ASTN2: variants seen among roughly 807,000 people sequenced by gnomAD.
ASTN2 encodes astrotactin-2.
A neutral mutation model predicts 139.8 loss-of-function variants in ASTN2; 54 were observed. The observed-to-expected ratio is 0.39, with a 90% CI of 0.31 to 0.48. The LOEUF is 0.48. Ranked by LOEUF, ASTN2 falls within the 20% of genes least tolerant of loss-of-function variation. The pLI is 0.95. For synonymous variants in ASTN2, 756 were observed against 719.5 expected, an observed-to-expected ratio of 1.05 and a Z score of -0.81; for missense variants, 1,565 against 1,725.1, an observed-to-expected ratio of 0.91 and a Z score of 1.64.
intron 2 of ASTN2, among the ~76,000 whole-genome samples, chr9:117,237,850 G>T (rs1295433776): frequency 6.6e-6 from 1 of 152,154 alleles, no homozygotes; most frequent in Non-Finnish European, 1.5e-5. Context: ...CTCCCAGTGG[G>T]CCCAGGCCCC....
At chr9:116,706,354 C>T (rs1159949815) in intron 16 of ASTN2, among the ~76,000 whole-genome samples, 2 of 152,082 alleles carry the variant, frequency 1.3e-5, no homozygotes, top group Non-Finnish European at 2.9e-5. Flanking sequence ...ATTATTCCCC[C>T]TTCCGCCCCA....
intron 16 of ASTN2, among the ~76,000 whole-genome samples, chr9:116,682,085 G>C (rs1859911898): frequency 6.6e-6 from 1 of 151,612 alleles, no homozygotes; most frequent in Non-Finnish European, 1.5e-5. Flanking sequence ...AGAGTGAACA[G>C]GCAACCTACA....
chr9:117,258,539 G>T (rs1332103023), intron 2 of ASTN2, among the ~76,000 whole-genome samples: 4 of 152,138 alleles, frequency 2.6e-5, no homozygotes, highest in Admixed American at 1.3e-4. Context: ...AGGGGAGCGG[G>T]TGTCCCTGCT....
intron 11 of ASTN2, among the ~76,000 whole-genome samples, chr9:116,849,500 A>T (rs1213055404): frequency 6.6e-6 from 1 of 152,184 alleles, no homozygotes; most frequent in African/African-American, 2.4e-5. Context: ...ACACCAATAT[A>T]TATTAATTTG....
At chr9:117,358,582 G>C (rs926678624) in intron 1 of ASTN2, among the ~76,000 whole-genome samples, 17 of 152,072 alleles carry the variant, frequency 1.1e-4, no homozygotes, top group African/African-American at 4.1e-4. Flanking sequence ...TCACAGACTT[G>C]TCGACCACCA....
chr9:117,232,497 C>T (rs1200895834), intron 2 of ASTN2, among the ~76,000 whole-genome samples: 1 of 152,190 alleles, frequency 6.6e-6, no homozygotes, highest in Non-Finnish European at 1.5e-5. Context: ...TAACAGATTC[C>T]CATGTGAGAG....
chr9:117,135,974 G>C (rs953211310), intron 4 of ASTN2, among the ~76,000 whole-genome samples: 20 of 152,268 alleles, frequency 1.3e-4, no homozygotes, highest in African/African-American at 4.8e-4. Flanking sequence ...CAGGCTAGGA[G>C]GGAGCCTTGT....
intron 3 of ASTN2, among the ~76,000 whole-genome samples, chr9:117,161,478 A>G (rs1412823713): frequency 4.0e-5 from 6 of 151,892 alleles, no homozygotes; most frequent in African/African-American, 1.5e-4. Flanking sequence ...ACTGCAACCT[A>G]TGCTTCCTGG....
At chr9:116,677,271 C>G (rs184876183) in intron 16 of ASTN2, among the ~76,000 whole-genome samples, 551 of 152,086 alleles carry the variant, frequency 3.6e-3, no homozygotes, top group Admixed American at 7.7e-3. Flanking sequence ...TAGCTTGGGA[C>G]TCCTTGGGAA....
chr9:117,015,603 C>T (rs546082932), intron 6 of ASTN2, among the ~76,000 whole-genome samples: 1 of 152,262 alleles, frequency 6.6e-6, no homozygotes, highest in South Asian at 2.1e-4. Flanking sequence ...GTTCCAAACA[C>T]TTCCAACATC....
chr9:116,594,507 C>A (rs1854490628), intron 19 of ASTN2, among the ~76,000 whole-genome samples: 2 of 152,278 alleles, frequency 1.3e-5, no homozygotes, highest in South Asian at 4.1e-4. Flanking sequence ...ATATAATTAT[C>A]AAGACTGTCC....
intron 17 of ASTN2, among the ~76,000 whole-genome samples, chr9:116,650,918 CT>C (rs753094674): frequency 0.039 from 5,497 of 141,930 alleles, 211 homozygotes; most frequent in African/African-American, 0.11. Flanking sequence ...CCCTGCACTA[CT>C]TTTTTTTTTT....
chr9:117,003,530 G>GGGGTGTGTGTGTGTGTGTGTGT (rs1837249207), intron 7 of ASTN2, among the ~76,000 whole-genome samples: 3 of 103,188 alleles, frequency 2.9e-5, no homozygotes, highest in Non-Finnish European at 6.0e-5. Flanking sequence ...TCTAAAGAGT[G>GGGGTGTGTGTGTGTGTGTGTGT]GTGTGTGTGT....
chr9:116,912,244 C>G (rs549487949), intron 10 of ASTN2, among the ~76,000 whole-genome samples: 3 of 152,262 alleles, frequency 2.0e-5, no homozygotes, highest in Non-Finnish European at 4.4e-5. Flanking sequence ...TATTACTTAA[C>G]TGTGAGTGTG....
intron 19 of ASTN2, among the ~76,000 whole-genome samples, chr9:116,560,121 T>C (rs1852831133): frequency 6.6e-6 from 1 of 152,182 alleles, no homozygotes; most frequent in Non-Finnish European, 1.5e-5. Flanking sequence ...GCAATTAACA[T>C]TGTAAATGTT....
In ASTN2 at chr9:116,654,622, G is replaced by A. The variant is rs1198957168; in HGVS notation, c.2807-2829C>T. On this transcript the variant is annotated intron_variant, in intron 16 of 22. Coordinates refer to ENST00000313400, the MANE Select transcript of ASTN2 (RefSeq NM_001365068.1). ...ACAAATCTTCACATTTTAAAGAAGA[G>A]AAAAGTGTGTCCCAAAGAAGGAAAA... Among the ~76,000 whole-genome samples the A allele has an allele frequency of 5.9e-5, 9 of 152,270 alleles. 1 individual carries two copies. The Middle Eastern group carries it at 0.024, about 403-fold the overall frequency.
intron 4 of ASTN2, among the ~76,000 whole-genome samples, chr9:117,140,330 C>T (rs1042240425): frequency 1.6e-4 from 24 of 151,948 alleles, no homozygotes; most frequent in Non-Finnish European, 3.2e-4. Context: ...TAGATAACCA[C>T]TGAAGCTGTG....
chr9:117,356,962 G>A (rs1829556407), intron 1 of ASTN2, among the ~76,000 whole-genome samples: 1 of 152,110 alleles, frequency 6.6e-6, no homozygotes, highest in Non-Finnish European at 1.5e-5. Flanking sequence ...TACTTGGGAG[G>A]TGGAGGCAAG....
chr9:116,792,513 C>T (rs2132225205), intron 13 of ASTN2, among the ~76,000 whole-genome samples: 1 of 152,310 alleles, frequency 6.6e-6, no homozygotes, highest in East Asian at 1.9e-4. Flanking sequence ...GACTTAGCAG[C>T]CTGCCTTCAA....
Sources: allele counts gnomAD v4.1 joint callset (sites outside exome capture counted in the v4.1 genomes callset), GRCh38; gene constraint gnomAD v4.1.1; transcripts MANE v1.5; gene names NCBI Gene and HGNC (gene_info 2026-07-23, HGNC 2026-07-21).